Variants in POLR3B observed in about 807,000 individuals in gnomAD.
The protein encoded by POLR3B is RNA polymerase III subunit B.
In POLR3B, 96 loss-of-function variants were observed where a neutral mutation model predicts 147.4. That is an observed-to-expected ratio of 0.65 (90% CI 0.55 to 0.77). POLR3B has a LOEUF of 0.77. Among genes scored for constraint, POLR3B ranks in the 30% least tolerant of loss-of-function variants. POLR3B has a pLI of 0.00. For missense variants in POLR3B, 1,036 were observed against 1,413.5 expected, an observed-to-expected ratio of 0.73 and a Z score of 4.28; for synonymous variants, 461 against 485.9, an observed-to-expected ratio of 0.95 and a Z score of 0.67.
chr12:106,483,118 A>G (rs2038291523), intron 23 of POLR3B, among the ~76,000 whole-genome samples: 1 of 152,148 alleles, frequency 6.6e-6, no homozygotes, highest in Admixed American at 6.5e-5. Context: ...TTCAAGTCCC[A>G]CAGTTGGGCC....
chr12:106,432,510 T>C lies in POLR3B; in HGVS notation c.1627+30T>C, dbSNP rs376956493. 42 of 1,575,054 alleles carry C rather than the reference T, an allele frequency of 2.7e-5. No homozygotes were observed. The African/African-American group carries it at 5.7e-4, about 21-fold the overall frequency. ...GTATATTATAGAGACATGTTGGTCC[T>C]AGATAGTCTGTGAAGAGGGGGAGGG... On this transcript the variant is annotated intron_variant, in intron 15 of 27. Coordinates refer to ENST00000228347, the MANE Select transcript of POLR3B (RefSeq NM_018082.6).
chr12:106,429,645 T>C (rs1475407219), intron 13 of POLR3B, among the ~76,000 whole-genome samples: 1 of 152,180 alleles, frequency 6.6e-6, no homozygotes, highest in Non-Finnish European at 1.5e-5. Context: ...GTTTAGTTCA[T>C]ATGAATCTAT....
chr12:106,458,549 G>A (rs1272893859), intron 21 of POLR3B, among the ~76,000 whole-genome samples: 2 of 152,202 alleles, frequency 1.3e-5, no homozygotes, highest in African/African-American at 4.8e-5. Context: ...AGGAGCTGTG[G>A]TGAAGGTGGA....
Position 106,509,985 on chromosome 12 carries a change from T to A in POLR3B, c.*436T>A, listed in dbSNP as rs2038750180. The A allele has an allele frequency of 6.0e-6, 1 of 165,420 alleles. No homozygotes were observed. The highest frequency in any genetic ancestry group is 1.6e-4 in the South Asian group (1 of 6,072). The allele number at this position is 165,420 out of a possible 1,614,324, so 10.2% of individuals were successfully genotyped here. A position where few individuals can be genotyped will look rare whatever the true frequency, so the allele number is the denominator to read the frequency against. On this transcript the variant is annotated 3_prime_UTR_variant, in exon 28 of 28. Transcript: ENST00000228347. ...TCCATTTGATTTGGTCAGCCTGGCTTTTGTCGTGGTGGCTGGCTCGGATAA... is the reference window on the plus strand; with the variant it reads ...TCCATTTGATTTGGTCAGCCTGGCTATTGTCGTGGTGGCTGGCTCGGATAA...
chr12:106,399,795 C>T (rs1168371803), intron 10 of POLR3B, among the ~76,000 whole-genome samples: 1 of 152,118 alleles, frequency 6.6e-6, no homozygotes, highest in African/African-American at 2.4e-5. Context: ...TTTGTCACCA[C>T]CAGGCCTGCC....
Position 106,428,237 on chromosome 12 carries a change from T to C in POLR3B, c.1263+879T>C, listed in dbSNP as rs558565528. On this transcript the variant is annotated intron_variant, in intron 13 of 27. Coordinates refer to ENST00000228347, the MANE Select transcript of POLR3B (RefSeq NM_018082.6). ...TCTTCCAAAGAATGCTTGAACAAAC[T>C]TCTGTTAGAATTACTTTTCCTTGCT... Among the ~76,000 whole-genome samples, 4 of 152,276 alleles carry C rather than the reference T, an allele frequency of 2.6e-5. No individual in the cohort carries two copies. In the South Asian group the frequency reaches 8.3e-4, roughly 32 times the overall value.
At chr12:106,435,130 TTA>T (rs1240585826) in intron 16 of POLR3B, among the ~76,000 whole-genome samples, 3 of 140,016 alleles carry the variant, frequency 2.1e-5, no homozygotes, top group Non-Finnish European at 4.7e-5. Context: ...TTCCATTAAA[TTA>T]TTTTTTTTTT....
At chr12:106,454,844 G>A in intron 20 of POLR3B, 133 bp downstream of exon 20, 1 of 674,536 alleles carries the variant, frequency 1.5e-6, no homozygotes, top group Non-Finnish European at 2.7e-6. Flanking sequence ...ACAGGAGGTG[G>A]TTGGGTTTTG....
chr12:106,379,608 G>GT (rs1234155214), intron 8 of POLR3B, among the ~76,000 whole-genome samples: 1 of 152,186 alleles, frequency 6.6e-6, no homozygotes, highest in Non-Finnish European at 1.5e-5. Flanking sequence ...TACCAAGACT[G>GT]TGGGTATATT....
intron 1 of POLR3B, among the ~76,000 whole-genome samples, chr12:106,361,445 A>C (rs1243471452): frequency 6.6e-6 from 1 of 152,192 alleles, no homozygotes; most frequent in East Asian, 1.9e-4. Flanking sequence ...ACTGATCTTA[A>C]GTAGCCTCTG....
At chr12:106,446,960 T>C (rs2037733252) in intron 19 of POLR3B, among the ~76,000 whole-genome samples, 1 of 152,118 alleles carries the variant, frequency 6.6e-6, no homozygotes, top group African/African-American at 2.4e-5. Context: ...GATACCCAGG[T>C]CTGTAATGCA....
chr12:106,496,292 A>T, intron 24 of POLR3B, 134 bp downstream of exon 24: 2 of 723,472 alleles, frequency 2.8e-6, no homozygotes, highest in Admixed American at 3.9e-5. Flanking sequence ...CCCTTGCCAG[A>T]TAAACAGGCT....
intron 27 of POLR3B, among the ~76,000 whole-genome samples, chr12:106,505,383 G>A (rs1006255424): frequency 1.8e-4 from 28 of 151,814 alleles, no homozygotes; most frequent in Non-Finnish European, 4.4e-5. Context: ...AACCTCCCAG[G>A]CTCAAGCGAT....
At chr12:106,390,160 C>A (rs1448832801) in intron 9 of POLR3B, among the ~76,000 whole-genome samples, 2 of 149,542 alleles carry the variant, frequency 1.3e-5, no homozygotes, top group Non-Finnish European at 3.0e-5. Context: ...AGAGGTTGCA[C>A]TGAGTTGAGA....
intron 6 of POLR3B, among the ~76,000 whole-genome samples, chr12:106,375,391 T>C (rs993258214): frequency 5.3e-5 from 8 of 152,188 alleles, no homozygotes; most frequent in African/African-American, 4.8e-5. Flanking sequence ...ATGGCTCTTA[T>C]CTCTTTGAAT....
Position 106,376,383 on chromosome 12 carries a change from A to C in POLR3B, c.429A>C (p.Ser143=). 1 of 1,612,866 alleles carries C rather than the reference A, an allele frequency of 6.2e-7. No homozygotes were observed. Among genetic ancestry groups the C allele is most frequent in the Non-Finnish European group, 8.5e-7 (1 of 1,179,384 alleles). The change falls in exon 7 of 28, where the codon TCA becomes TCC. Residue 143 remains serine (S), a synonymous_variant. Coordinates refer to ENST00000228347, the MANE Select transcript of POLR3B (RefSeq NM_018082.6). Reference sequence around the variant, plus strand: ...GAATGCCCATAATGCTACGTAGTTCAAACTGTGTTCTTACAGGAAAAACGC... The same window carrying C: ...GAATGCCCATAATGCTACGTAGTTCCAACTGTGTTCTTACAGGAAAAACGC... The part of the protein sequence containing the change: ...IGRMPIMLRS[S]NCVLTGKTPA...
At chr12:106,453,567 G>A (rs12823974) in intron 19 of POLR3B, among the ~76,000 whole-genome samples, 4,709 of 152,152 alleles carry the variant, frequency 0.031, 108 homozygotes, top group Non-Finnish European at 0.044. Flanking sequence ...CCTAGGAGAA[G>A]TTAAAGAGGC....
rs142016465 is a variant in POLR3B, at chr12:106,433,710, T to A, written c.1628-9T>A. ...ATTTCTGTCTTACCTGTTCTTTCTTTTTGCCTAGGTAACATCTTAGGTGTC... is the reference window on the plus strand; with the variant it reads ...ATTTCTGTCTTACCTGTTCTTTCTTATTGCCTAGGTAACATCTTAGGTGTC... On this transcript the variant is annotated splice_polypyrimidine_tract_variant and intron_variant, in intron 15 of 27. Coordinates refer to ENST00000228347, the MANE Select transcript of POLR3B (RefSeq NM_018082.6). 3.4e-4 allele frequency: 545 copies of A among 1,610,726 alleles called. 2 individuals carry two copies. In the African/African-American group the frequency reaches 6.4e-3, roughly 19 times the overall value.
intron 10 of POLR3B, among the ~76,000 whole-genome samples, chr12:106,402,922 C>T (rs1197715261): frequency 3.9e-5 from 6 of 152,138 alleles, no homozygotes; most frequent in African/African-American, 1.4e-4. Context: ...GTCTAAAACA[C>T]CAAAAGCAAT....
Sources: allele counts gnomAD v4.1 joint callset (sites outside exome capture counted in the v4.1 genomes callset), GRCh38; gene constraint gnomAD v4.1.1; transcripts MANE v1.5; gene names NCBI Gene and HGNC (gene_info 2026-07-23, HGNC 2026-07-21).